Variants in RASGRF1 observed in about 807,000 individuals in gnomAD.
RASGRF1 encodes Ras protein specific guanine nucleotide releasing factor 1.
RASGRF1 carries 40 observed loss-of-function variants against 138.7 expected under a neutral mutation model. That is an observed-to-expected ratio of 0.29 (90% confidence interval 0.22 to 0.38). The LOEUF (loss-of-function observed/expected upper bound fraction) is 0.38, where lower values mean the gene tolerates loss of function less well. Ranked by LOEUF, RASGRF1 falls within the 10% of genes least tolerant of loss-of-function variation. The pLI is 1.00. For missense variants in RASGRF1, 1,108 were observed against 1,650.4 expected, an observed-to-expected ratio of 0.67 and a Z score of 5.69; for synonymous variants, 614 against 663.2, an observed-to-expected ratio of 0.93 and a Z score of 1.14.
intron 21 of RASGRF1, among the ~76,000 whole-genome samples, chr15:78,990,858 A>G (rs904179449): frequency 1.3e-5 from 2 of 152,218 alleles, no homozygotes; most frequent in Non-Finnish European, 2.9e-5. Flanking sequence ...CATATCAGGA[A>G]TATCATCTGT....
Position 78,973,469 on chromosome 15 carries a change from C to T in RASGRF1, c.3495-49G>A, listed in dbSNP as rs765990385. ...CAAGTTTTTCATTTTAAAAAAGTAA[C>T]GTCTACCAAGAACAGAACATCCCGC... On this transcript the variant is annotated intron_variant, in intron 24 of 26. Transcript: ENST00000558480. This position sits in a 1 kb window ranked among gnomAD's most constrained non-coding sequence, Gnocchi z 4.9. 7.1e-6 allele frequency: 10 copies of T among 1,398,862 alleles called. No homozygotes were observed. The East Asian group carries it at 9.1e-5, about 13-fold the overall frequency. 86.7% of individuals were successfully genotyped at this position (1,398,862 alleles called of 1,614,324 possible).
chr15:79,025,267 AT>A, intron 10 of RASGRF1, 46 bp downstream of exon 10: 3 of 1,537,424 alleles, frequency 2.0e-6, no homozygotes, highest in Non-Finnish European at 2.6e-6. Flanking sequence ...CAGCGCCTGC[AT>A]GACCCTAGCT....
rs1017173334 is a variant in RASGRF1, at chr15:78,973,289, T to TG, written c.3612+13dup. On this transcript the variant is annotated intron_variant, in intron 25 of 26. Transcript: ENST00000558480. This position sits in a 1 kb window ranked among gnomAD's most constrained non-coding sequence, Gnocchi z 4.9. Reference sequence around the variant, plus strand: ...CAACGCCCCCCTTCCCCTGCCTGGCTGGGGGGAACGCACCATCCTCATCTT... The same window carrying TG: ...CAACGCCCCCCTTCCCCTGCCTGGCTGGGGGGGAACGCACCATCCTCATCTT... The TG allele has an allele frequency of 6.3e-7, 1 of 1,576,070 alleles. No individual in the cohort carries two copies. The highest frequency in any genetic ancestry group is 8.7e-7 in the Non-Finnish European group (1 of 1,150,242).
Position 79,058,493 on chromosome 15 carries a change from T to G in RASGRF1, c.384-12A>C. 6.2e-7 allele frequency: 1 copy of G among 1,613,156 alleles called. No homozygotes were observed. Among genetic ancestry groups the G allele is most frequent in the Non-Finnish European group, 8.5e-7 (1 of 1,179,188 alleles). On this transcript the variant is annotated splice_polypyrimidine_tract_variant and intron_variant, in intron 2 of 26. Coordinates refer to ENST00000558480, the MANE Select transcript of RASGRF1 (RefSeq NM_001145648.3). Reference sequence around the variant, plus strand: ...CGAGGGTCCTGTAGCTGTGGACAGATGGACATGGCAGGTAAGATGCTGACT... The same window carrying G: ...CGAGGGTCCTGTAGCTGTGGACAGAGGGACATGGCAGGTAAGATGCTGACT...
chr15:78,998,195 T>C lies in RASGRF1; in HGVS notation c.2867A>G (p.Asn956Ser). The change falls in exon 19 of 27, where the codon AAC (asparagine) becomes AGC (serine). Residue 956 changes from asparagine (N) to serine (S), a missense_variant. Physicochemically the swap from Asn to Ser is conservative, Grantham distance 46 (BLOSUM62 1). Transcript: ENST00000558480. The stretch of plus-strand genomic sequence containing the variant: ...GATCACCTTGCATTTGAGCTCATCG[T>C]TGGTCTCAAAGTCCTGCCGGGAAGG... ...VSKHSQDFET[N>S]DELKCKVIGF... 6.2e-7 allele frequency: 1 copy of C among 1,614,134 alleles called. No homozygotes were observed.
chr15:78,968,091 AT>A (rs2055678464), intron 26 of RASGRF1, among the ~76,000 whole-genome samples: 2 of 151,094 alleles, frequency 1.3e-5, no homozygotes, highest in African/African-American at 4.9e-5. Flanking sequence ...TTTTGAAAAA[AT>A]TTTTTTTCAT....
At chr15:79,012,840 G>C (rs1278513214) in intron 13 of RASGRF1, among the ~76,000 whole-genome samples, 1 of 152,084 alleles carries the variant, frequency 6.6e-6, no homozygotes, top group Non-Finnish European at 1.5e-5. Context: ...ATGCCACCAG[G>C]CCTGGCTAAT....
At chr15:78,976,849 G>A (rs1371296896) in intron 24 of RASGRF1, among the ~76,000 whole-genome samples, 1 of 152,246 alleles carries the variant, frequency 6.6e-6, no homozygotes, top group Non-Finnish European at 1.5e-5. Flanking sequence ...GAGCTGATAC[G>A]GGGGTGGCTT....
At chr15:79,034,297 A>T (rs1157695962) in intron 6 of RASGRF1, among the ~76,000 whole-genome samples, 1 of 152,198 alleles carries the variant, frequency 6.6e-6, no homozygotes, top group Non-Finnish European at 1.5e-5. Flanking sequence ...TGAAAAAAAA[A>T]AAGAAAGACA....
intron 26 of RASGRF1, among the ~76,000 whole-genome samples, chr15:78,968,775 C>T (rs2055694430): frequency 6.6e-6 from 1 of 152,146 alleles, no homozygotes; most frequent in Admixed American, 6.5e-5. Context: ...GCTGGCATCA[C>T]CTAACAGGCT....
intron 8 of RASGRF1, among the ~76,000 whole-genome samples, chr15:79,029,681 A>C (rs2057110178): frequency 6.6e-6 from 1 of 151,970 alleles, no homozygotes; most frequent in South Asian, 2.1e-4. Context: ...GCAGCCTAGG[A>C]GGGGTTTGGC....
chr15:79,078,759 G>A (rs1209218001), intron 1 of RASGRF1, among the ~76,000 whole-genome samples: 2 of 152,182 alleles, frequency 1.3e-5, no homozygotes, highest in Non-Finnish European at 2.9e-5. Flanking sequence ...CGTGGTGGCC[G>A]CACCAGAACC....
intron 6 of RASGRF1, among the ~76,000 whole-genome samples, chr15:79,033,708 G>A (rs2141004143): frequency 6.8e-6 from 1 of 146,598 alleles, no homozygotes. Flanking sequence ...TCCTGCCTCA[G>A]CCTCCCGAGT....
At chr15:79,037,381 G>A (rs1423821250) in intron 5 of RASGRF1, among the ~76,000 whole-genome samples, 4 of 152,016 alleles carry the variant, frequency 2.6e-5, no homozygotes, top group Non-Finnish European at 4.4e-5. Context: ...TGGGGTGGGG[G>A]AGGTGCGGTG....
intron 10 of RASGRF1, 108 bp downstream of exon 10, chr15:79,025,206 G>T: frequency 7.8e-7 from 1 of 1,285,054 alleles, no homozygotes; most frequent in Non-Finnish European, 1.1e-6. Context: ...GCATGCACAC[G>T]TCTCTGACAC....
At chr15:79,049,978 T>G (rs2057409070) in intron 3 of RASGRF1, among the ~76,000 whole-genome samples, 1 of 152,206 alleles carries the variant, frequency 6.6e-6, no homozygotes, top group African/African-American at 2.4e-5. Flanking sequence ...AAAATAATTT[T>G]TGCTGTGATA....
intron 3 of RASGRF1, 102 bp from the exon 4 acceptor site, chr15:79,049,690 T>C: frequency 2.3e-6 from 2 of 887,244 alleles, no homozygotes; most frequent in Non-Finnish European, 3.4e-6. Flanking sequence ...CCGAGTGCCC[T>C]GCCTCTTCTT....
At chr15:79,002,010 AG>A (rs1025641071) in intron 15 of RASGRF1, among the ~76,000 whole-genome samples, 5 of 152,168 alleles carry the variant, frequency 3.3e-5, no homozygotes, top group Admixed American at 6.5e-5. Context: ...TTGCTCCACC[AG>A]GGCTTCTCAA....
intron 10 of RASGRF1, among the ~76,000 whole-genome samples, chr15:79,020,681 C>T (rs1361361378): frequency 2.0e-5 from 3 of 152,180 alleles, no homozygotes; most frequent in Non-Finnish European, 4.4e-5. Flanking sequence ...ATTAGGAATA[C>T]CTGGAAAAAT....
Sources: gnomAD v4.1 joint callset for allele counts (sites outside exome capture counted in the v4.1 genomes callset) on GRCh38, gnomAD v4.1.1 for gene constraint, Gnocchi (gnomAD v3.1) non-coding constraint, MANE v1.5 for transcripts, NCBI Gene and HGNC (gene_info 2026-07-23, HGNC 2026-07-21) for gene names.